Variants in MYPN observed in about 807,000 individuals in gnomAD.
MYPN encodes the protein myopalladin, also known as sarcomeric protein myopalladin, 145 kDa (MYOP).
A neutral mutation model predicts 129.4 loss-of-function variants in MYPN; 63 were observed. The observed-to-expected ratio is 0.49, with a 90% CI of 0.40 to 0.60. The LOEUF is 0.60. MYPN is among the 20% of genes least tolerant of loss of function. MYPN has a pLI of 0.00. For synonymous variants in MYPN, 629 were observed against 600.9 expected (o/e 1.05, Z -0.68); for missense variants, 1,596 against 1,635.4 (o/e 0.98, Z 0.42).
At position 68,202,563 on chromosome 10, in the gene MYPN, A is replaced by C. The variant is rs74968257; in HGVS notation, c.3659+569A>C. Among the ~76,000 whole-genome samples the C allele has an allele frequency of 5.3e-3, 801 of 152,348 alleles. 9 individuals are homozygous for C. Among genetic ancestry groups the C allele is most frequent in the African/African-American group, 0.018 (747 of 41,578 alleles). ...AAAGCTAACACAAAATGAAACATCA[A>C]GGCAGTTATACTCCTTTTCCATCCA... On this transcript the variant is annotated intron_variant, in intron 18 of 19. Transcript: ENST00000358913.
At chr10:68,139,195 G>T (rs1182305300) in intron 2 of MYPN, among the ~76,000 whole-genome samples, 2 of 152,138 alleles carry the variant, frequency 1.3e-5, no homozygotes, top group Admixed American at 1.3e-4. Flanking sequence ...AGATCTAAAA[G>T]CTCATGTTCC....
chr10:68,123,472 C>T (rs944614251), intron 2 of MYPN, among the ~76,000 whole-genome samples: 1 of 149,384 alleles, frequency 6.7e-6, no homozygotes, highest in African/African-American at 2.5e-5. Context: ...GTCAGGAGAT[C>T]GAGACCATCC....
chr10:68,098,066 T>A (rs2041965195), intron 1 of MYPN, among the ~76,000 whole-genome samples: 1 of 152,034 alleles, frequency 6.6e-6, no homozygotes, highest in South Asian at 2.1e-4. Context: ...GGCAACATGG[T>A]GAAACCCTGT....
chr10:68,210,188 C>T (rs2043885447), intron 19 of MYPN, 98 bp from the exon 20 acceptor site: 3 of 1,378,804 alleles, frequency 2.2e-6, no homozygotes, highest in Non-Finnish European at 1.0e-6. Flanking sequence ...ACCAAGAATG[C>T]TCAGGGAGAA....
chr10:68,204,703 G>GTGAGACTC (rs1428469664), intron 18 of MYPN, among the ~76,000 whole-genome samples: 1 of 127,220 alleles, frequency 7.9e-6, no homozygotes, highest in East Asian at 2.4e-4. Context: ...GGGCCACAGA[G>GTGAGACTC]TGAGACTCTG....
intron 2 of MYPN, chr10:68,135,406 C>A: frequency 1.2e-6 from 1 of 852,510 alleles, no homozygotes; most frequent in Non-Finnish European, 1.4e-6. Flanking sequence ...CAAAATTCAA[C>A]ATAACTTTAT....
At chr10:68,192,158 T>G (rs190426279) in intron 13 of MYPN, among the ~76,000 whole-genome samples, 1 of 152,296 alleles carries the variant, frequency 6.6e-6, no homozygotes, top group East Asian at 1.9e-4. Context: ...TGGACTTCAT[T>G]GTGTTGTGTT....
intron 18 of MYPN, among the ~76,000 whole-genome samples, chr10:68,205,381 G>A (rs1322867728): frequency 1.3e-5 from 2 of 151,704 alleles, no homozygotes; most frequent in Non-Finnish European, 2.9e-5. Flanking sequence ...GATCCTTCTA[G>A]AGAAGGAATT....
At chr10:68,117,879 A>G (rs970696058) in intron 1 of MYPN, among the ~76,000 whole-genome samples, 1 of 151,846 alleles carries the variant, frequency 6.6e-6, no homozygotes, top group African/African-American at 2.4e-5. Flanking sequence ...TCTACCTATG[A>G]TATGGCTACT....
At chr10:68,175,235 G>C (rs918449001) in intron 11 of MYPN, 88 bp from the exon 12 acceptor site, 2 of 1,439,222 alleles carry the variant, frequency 1.4e-6, no homozygotes, top group African/African-American at 2.8e-5. Flanking sequence ...CTGGTTTCTG[G>C]TTGTCATTTC....
chr10:68,185,947 C>A (rs1389009356), intron 12 of MYPN, among the ~76,000 whole-genome samples: 1 of 152,130 alleles, frequency 6.6e-6, no homozygotes, highest in African/African-American at 2.4e-5. Context: ...TAGGCTGAAT[C>A]ATATGAAACT....
intron 1 of MYPN, among the ~76,000 whole-genome samples, chr10:68,088,637 C>T (rs1169232124): frequency 2.0e-5 from 3 of 152,106 alleles, no homozygotes; most frequent in Non-Finnish European, 4.4e-5. Flanking sequence ...GAAGTTACAG[C>T]TCCTCATTAA....
chr10:68,174,333 G>T lies in MYPN; in HGVS notation c.2241G>T (p.Leu747Phe). The change falls in exon 11 of 20, where the codon TTG (leucine) becomes TTT (phenylalanine). Residue 747 changes from leucine (L) to phenylalanine (F), a missense_variant. Leu to Phe is a conservative substitution (Grantham distance 22). Transcript: ENST00000358913. Reference sequence around the variant, plus strand: ...CTTCCAGCTCTCCGGTGTTCACTTTGAGCAGCACTCCTCAAACTATTCAGA... The same window carrying T: ...CTTCCAGCTCTCCGGTGTTCACTTTTAGCAGCACTCCTCAAACTATTCAGA... ...VAPSSSPVFTLSSTPQTIQRT... is the reference protein window; with the variant it reads ...VAPSSSPVFTFSSTPQTIQRT... 6.2e-7 allele frequency: 1 copy of T among 1,614,028 alleles called. No homozygotes were observed. The highest frequency in any genetic ancestry group is 8.5e-7 in the Non-Finnish European group (1 of 1,180,012).
chr10:68,183,616 G>A (rs1589598213), intron 12 of MYPN, among the ~76,000 whole-genome samples: 1 of 152,216 alleles, frequency 6.6e-6, no homozygotes, highest in Non-Finnish European at 1.5e-5. Flanking sequence ...TCTTTAGCTT[G>A]TAGCAAGAAC....
rs1034885184 is a variant in MYPN, at chr10:68,174,576, T to C, written c.2484T>C (p.Ala828=). 7 of 1,614,054 alleles carry C rather than the reference T, an allele frequency of 4.3e-6. No individual in the cohort carries two copies. Among genetic ancestry groups the C allele is most frequent in the Non-Finnish European group, 5.9e-6 (7 of 1,180,026 alleles). ...CCAGCCGGATTCAGAACCCAGTGGC[T>C]TTCCTCAGCTCTGTTCTGCCTTCTC... ...SPTSRIQNPV[A]FLSSVLPSLP... is the part of the protein sequence containing the mutation. Residue 828 remains alanine, a synonymous_variant, in exon 11 of 20, where the codon GCT becomes GCC. Transcript: ENST00000358913.
In MYPN at chr10:68,166,573, C is replaced by G. The variant is rs762100810; in HGVS notation, c.1880C>G (p.Ser627Cys). The G allele has an allele frequency of 1.2e-6, 2 of 1,614,170 alleles. No individual in the cohort carries two copies. Among genetic ancestry groups the G allele is most frequent in the South Asian group, 1.1e-5 (1 of 91,072 alleles). ...ACCACCAGACAGACCAGGCCCGATT[C>G]TTTCCAGGAGAGGTTCAACGGACAG... is the stretch of plus-strand genomic sequence containing the variant. The part of the protein sequence containing the change: ...VVTTRQTRPD[S>C]FQERFNGQAT... The change falls in exon 10 of 20, where the codon TCT becomes TGT. Residue 627 changes from serine to cysteine, a missense_variant. Physicochemically the swap from Ser to Cys is moderately radical, Grantham distance 112. Coordinates refer to ENST00000358913, the MANE Select transcript of MYPN (RefSeq NM_032578.4).
At chr10:68,186,696 C>A (rs1367981344) in intron 12 of MYPN, among the ~76,000 whole-genome samples, 2 of 152,144 alleles carry the variant, frequency 1.3e-5, no homozygotes, top group East Asian at 3.8e-4. Context: ...CGCTCACCTG[C>A]CATGGTGCAG....
At chr10:68,188,790 G>T (rs969586877) in intron 12 of MYPN, 115 bp from the exon 13 acceptor site, 13 of 859,570 alleles carry the variant, frequency 1.5e-5, no homozygotes, top group Non-Finnish European at 2.3e-5. Flanking sequence ...GGTTCATTTG[G>T]ATTTCATGGT....
rs180951129 is a variant in MYPN at position 68,127,381 on chromosome 10, C to G, written c.902+5041C>G. Among the ~76,000 whole-genome samples the G allele has an allele frequency of 3.2e-3, 395 of 122,834 alleles. 3 individuals carry two copies. The highest frequency in any genetic ancestry group is 0.013 in the East Asian group (51 of 3,884). The allele number at this position is 122,834 out of a possible 152,430, so 80.6% of individuals were successfully genotyped here. A position where few individuals can be genotyped will look rare whatever the true frequency, so the allele number is the denominator to read the frequency against. On this transcript the variant is annotated intron_variant, in intron 2 of 19. Coordinates refer to ENST00000358913, the MANE Select transcript of MYPN (RefSeq NM_032578.4). ...TCGCTCTGTCACCCAGGCTGAAGTG[C>G]TGGAGTGCAGTGGCACAATCTTGGC...
Sources: allele counts gnomAD v4.1 joint callset (sites outside exome capture counted in the v4.1 genomes callset), GRCh38; gene constraint gnomAD v4.1.1; transcripts MANE v1.5; gene names NCBI Gene and HGNC (gene_info 2026-07-23, HGNC 2026-07-21).